PEBP4: variants seen among roughly 807,000 people sequenced by gnomAD.
PEBP4 encodes the protein phosphatidylethanolamine-binding protein 4.
A neutral mutation model predicts 23.9 loss-of-function variants in PEBP4; 22 were observed. That is an observed-to-expected ratio of 0.92 (90% CI 0.66 to 1.31). The LOEUF is 1.31. PEBP4 is among the 40% of genes most tolerant of loss of function. The pLI, the probability that PEBP4 is intolerant of heterozygous loss-of-function variation, is 0.00. For synonymous variants in PEBP4, 112 were observed against 99.3 expected (o/e 1.13, Z -0.76); for missense variants, 324 against 281.7 (o/e 1.15, Z -1.07).
intron 4 of PEBP4, among the ~76,000 whole-genome samples, chr8:22,780,963 C>T (rs1039142531): frequency 2.0e-5 from 3 of 152,256 alleles, no homozygotes; most frequent in Non-Finnish European, 2.9e-5. Context: ...TATCTCCCAT[C>T]TCCAGCTGAG....
At chr8:22,825,825 G>A (rs1198449227) in intron 3 of PEBP4, among the ~76,000 whole-genome samples, 1 of 152,218 alleles carries the variant, frequency 6.6e-6, no homozygotes, top group Non-Finnish European at 1.5e-5. Flanking sequence ...AGAAAATGTA[G>A]TATATCCGTA....
In PEBP4 at chr8:22,741,671, G is replaced by A. The variant is rs114956845; in HGVS notation, c.358-14451C>T. On this transcript the variant is annotated intron_variant, in intron 4 of 6. Coordinates refer to ENST00000256404, the MANE Select transcript of PEBP4 (RefSeq NM_144962.3). ...AGTGGGTGGCTGTCTGTTAAGGGCC[G>A]CTCAGCTGAGCCCCACAGGTGGTGG... 7.7e-3 allele frequency among the ~76,000 whole-genome samples: 1,167 copies of A among 152,232 alleles called. 17 individuals are homozygous for A. The highest frequency in any genetic ancestry group is 0.027 in the African/African-American group (1,110 of 41,534).
chr8:22,861,732 G>T (rs1807780966), intron 3 of PEBP4, among the ~76,000 whole-genome samples: 1 of 152,172 alleles, frequency 6.6e-6, no homozygotes, highest in Non-Finnish European at 1.5e-5. Context: ...AGGTCCAAAG[G>T]ATGTCAACTT....
intron 3 of PEBP4, among the ~76,000 whole-genome samples, chr8:22,905,697 G>A (rs1808797347): frequency 6.6e-6 from 1 of 152,216 alleles, no homozygotes; most frequent in Non-Finnish European, 1.5e-5. Flanking sequence ...AGAGGCGGTG[G>A]CCAAGGAGAC....
At chr8:22,767,949 G>A (rs990918560) in intron 4 of PEBP4, among the ~76,000 whole-genome samples, 1 of 152,036 alleles carries the variant, frequency 6.6e-6, no homozygotes, top group East Asian at 1.9e-4. Flanking sequence ...AGGCCAGGCT[G>A]GTCTCGAACT....
chr8:22,827,616 A>G (rs1806999218), intron 3 of PEBP4, among the ~76,000 whole-genome samples: 1 of 152,200 alleles, frequency 6.6e-6, no homozygotes, highest in Non-Finnish European at 1.5e-5. Flanking sequence ...GTATGGATAG[A>G]GACCACATTT....
chr8:22,899,615 T>C (rs1028607288), intron 3 of PEBP4, among the ~76,000 whole-genome samples: 5 of 152,152 alleles, frequency 3.3e-5, no homozygotes, highest in African/African-American at 9.7e-5. Flanking sequence ...CACCTGGCAG[T>C]GGTGCCTCTC....
In PEBP4 at chr8:22,749,172, A is replaced by C. The variant is rs373303884; in HGVS notation, c.358-21952T>G. ...GAGTGGGGATGGCTGGAAAGTTCTG[A>C]AAATTGCTTTTTGCTTATGTATGGT... is the stretch of plus-strand genomic sequence containing the variant. On this transcript the variant is annotated intron_variant, in intron 4 of 6. Transcript: ENST00000256404. Among the ~76,000 whole-genome samples the C allele has an allele frequency of 5.3e-5, 8 of 152,246 alleles. No homozygotes were observed. The South Asian group carries it at 1.7e-3, about 32-fold the overall frequency.
chr8:22,803,647 G>C (rs537696508), intron 4 of PEBP4, among the ~76,000 whole-genome samples: 3 of 152,184 alleles, frequency 2.0e-5, no homozygotes, highest in Non-Finnish European at 2.9e-5. Context: ...CTGGGCAACA[G>C]AGCAAGACTC....
At chr8:22,727,090 G>T in intron 5 of PEBP4, 85 bp downstream of exon 5, 2 of 1,473,522 alleles carry the variant, frequency 1.4e-6, no homozygotes, top group South Asian at 1.2e-5. Flanking sequence ...GCTAGCACAC[G>T]ACAAAGCAGC....
At chr8:22,778,381 T>C (rs966662898) in intron 4 of PEBP4, among the ~76,000 whole-genome samples, 15 of 151,488 alleles carry the variant, frequency 9.9e-5, no homozygotes, top group African/African-American at 3.6e-4. Context: ...AGACAGAGCT[T>C]GAACTTTTTT....
chr8:22,832,091 T>A (rs1260797319), intron 3 of PEBP4, among the ~76,000 whole-genome samples: 1 of 152,050 alleles, frequency 6.6e-6, no homozygotes, highest in Non-Finnish European at 1.5e-5. Flanking sequence ...AGCAGACCAA[T>A]TCGTGTGAGG....
chr8:22,714,494 G>C (rs757170853), intron 6 of PEBP4, among the ~76,000 whole-genome samples: 1 of 151,378 alleles, frequency 6.6e-6, no homozygotes, highest in Admixed American at 6.6e-5. Context: ...TTTTTTTTCC[G>C]TTGTTTATCT....
chr8:22,919,373 T>G (rs542041147), intron 3 of PEBP4, among the ~76,000 whole-genome samples: 3 of 152,254 alleles, frequency 2.0e-5, no homozygotes, highest in East Asian at 1.9e-4. Flanking sequence ...CACCTCCTTC[T>G]AAAACACAGC....
chr8:22,922,332 C>A (rs1047510281), intron 2 of PEBP4, among the ~76,000 whole-genome samples: 2 of 152,034 alleles, frequency 1.3e-5, no homozygotes, highest in African/African-American at 4.8e-5. Flanking sequence ...GAGCTGGTAA[C>A]CAACAATTCT....
At chr8:22,814,734 C>T (rs966658119) in intron 4 of PEBP4, among the ~76,000 whole-genome samples, 11 of 152,144 alleles carry the variant, frequency 7.2e-5, no homozygotes, top group Non-Finnish European at 1.3e-4. Context: ...ACTAAGGCTG[C>T]TTGGGTAATG....
chr8:22,817,643 AT>A lies in PEBP4; in HGVS notation c.350del (p.Asp117ValfsTer7). 6.2e-7 allele frequency: 1 copy of A among 1,613,970 alleles called. No individual in the cohort carries two copies. The highest frequency in any genetic ancestry group is 8.5e-7 in the Non-Finnish European group (1 of 1,179,852). ...TGCCTCTTGGCCTGCTTACCTTGAT[AT>A]CTGTTACCAGCCAATGTCTCCAGAA... Reference protein sequence around the residue: ...QRFWRHWLVTDIKGADLKKGK... With the variant: ...QRFWRHWLVTXIKGADLKKGK... On this transcript the variant is annotated frameshift_variant, in exon 4 of 7. Transcript: ENST00000256404. LOFTEE classifies it high-confidence loss of function.
intron 3 of PEBP4, chr8:22,884,198 G>A (rs1386853682): frequency 6.6e-6 from 1 of 152,206 alleles, no homozygotes; most frequent in African/African-American, 2.4e-5. Context: ...AGCAGACACA[G>A]GGACCTCTTT....
chr8:22,802,738 G>A (rs1302717837), intron 4 of PEBP4, among the ~76,000 whole-genome samples: 1 of 152,234 alleles, frequency 6.6e-6, no homozygotes. Context: ...GGAATCGCGA[G>A]GAACTTGGAG....
Sources: allele counts gnomAD v4.1 joint callset (sites outside exome capture counted in the v4.1 genomes callset), GRCh38; gene constraint gnomAD v4.1.1; transcripts MANE v1.5; gene names NCBI Gene and HGNC (gene_info 2026-07-23, HGNC 2026-07-21).